Variants in DLC1 observed in about 807,000 individuals in gnomAD.
The protein encoded by DLC1 is rho GTPase-activating protein 7.
DLC1 carries 54 observed loss-of-function variants against 140.3 expected under a neutral mutation model. That is an observed-to-expected ratio of 0.38 (90% CI 0.31 to 0.48). The LOEUF is 0.48. Ranked by LOEUF, DLC1 falls within the 20% of genes least tolerant of loss-of-function variation. DLC1 has a pLI of 0.96. For missense variants in DLC1, 2,536 were observed against 1,907.0 expected (o/e 1.33, Z -6.14); for synonymous variants, 986 against 728.1 (o/e 1.35, Z -5.70).
intron 2 of DLC1, among the ~76,000 whole-genome samples, chr8:13,443,515 C>G (rs979966262): frequency 4.0e-4 from 61 of 151,548 alleles, no homozygotes; most frequent in African/African-American, 1.4e-3. Flanking sequence ...AAAAATTAGC[C>G]GGGCATGGTG....
At chr8:13,415,290 A>G (rs1397894618) in intron 2 of DLC1, among the ~76,000 whole-genome samples, 3 of 152,192 alleles carry the variant, frequency 2.0e-5, no homozygotes, top group Non-Finnish European at 2.9e-5. Flanking sequence ...ATTTAAAAAT[A>G]TTATTAGTCA....
At chr8:13,383,197 A>G (rs1377376367) in intron 4 of DLC1, among the ~76,000 whole-genome samples, 17 of 152,238 alleles carry the variant, frequency 1.1e-4, no homozygotes, top group Admixed American at 9.2e-4. Flanking sequence ...AGGAAGCGGT[A>G]TGAATGATTC....
At chr8:13,460,276 C>G (rs1368883616) in intron 2 of DLC1, among the ~76,000 whole-genome samples, 2 of 152,200 alleles carry the variant, frequency 1.3e-5, no homozygotes, top group African/African-American at 2.4e-5. Context: ...TATGTTTCTC[C>G]TCTGCATACA....
intron 5 of DLC1, among the ~76,000 whole-genome samples, chr8:13,194,837 C>T (rs1826957417): frequency 6.6e-6 from 1 of 152,058 alleles, no homozygotes; most frequent in African/African-American, 2.4e-5. Context: ...GAGAGACCCC[C>T]ATCTTTACAA....
intron 5 of DLC1, among the ~76,000 whole-genome samples, chr8:13,124,613 A>G (rs2128958060): frequency 6.6e-6 from 1 of 152,366 alleles, no homozygotes; most frequent in Middle Eastern, 3.4e-3. Flanking sequence ...TACTGTAACA[A>G]GTCAGGAAAA....
intron 2 of DLC1, among the ~76,000 whole-genome samples, chr8:13,440,551 G>A (rs1290853025): frequency 6.6e-6 from 1 of 150,468 alleles, no homozygotes; most frequent in Non-Finnish European, 1.5e-5. Context: ...TTTTTTCTGA[G>A]ATGAAACATC....
chr8:13,330,910 C>A (rs1004071848), intron 4 of DLC1, among the ~76,000 whole-genome samples: 5 of 152,110 alleles, frequency 3.3e-5, no homozygotes, highest in Non-Finnish European at 7.3e-5. Flanking sequence ...CCACCCTCTG[C>A]AAAATGTTTA....
intron 5 of DLC1, among the ~76,000 whole-genome samples, chr8:13,287,088 TGTG>T (rs201506015): frequency 0.03 from 4,621 of 152,240 alleles, 87 homozygotes; most frequent in Non-Finnish European, 0.044. Flanking sequence ...ATTTAAGAAA[TGTG>T]GTGGGAATCA....
At chr8:13,306,227 G>A (rs1832420063) in intron 4 of DLC1, among the ~76,000 whole-genome samples, 1 of 152,148 alleles carries the variant, frequency 6.6e-6, no homozygotes, top group Non-Finnish European at 1.5e-5. Flanking sequence ...TCAATCCCCA[G>A]CATTTATCAC....
At chr8:13,580,343 G>C (rs1424251072) in intron 1 of DLC1, among the ~76,000 whole-genome samples, 1 of 152,080 alleles carries the variant, frequency 6.6e-6, no homozygotes, top group African/African-American at 2.4e-5. Flanking sequence ...GGATGGCCTC[G>C]ATCGCCTGAC....
intron 4 of DLC1, among the ~76,000 whole-genome samples, chr8:13,383,037 A>C (rs971052598): frequency 1.3e-5 from 2 of 152,216 alleles, no homozygotes; most frequent in African/African-American, 2.4e-5. Context: ...GATAGTGAAA[A>C]ATTAAAAGAC....
At chr8:13,462,281 A>G (rs1482565625) in intron 2 of DLC1, among the ~76,000 whole-genome samples, 2 of 152,160 alleles carry the variant, frequency 1.3e-5, no homozygotes, top group East Asian at 1.9e-4. Context: ...GTCTAATAAC[A>G]TATGCCATAT....
rs147884099 is a variant in DLC1 at position 13,525,864 on chromosome 8, T to A, written c.-125-25668A>T. ...AAGTGTTTTTTTCTTTTATGGATCATGTTTCTGGTCTCATGGCAAAAAGAT... is the reference window on the plus strand; with the variant it reads ...AAGTGTTTTTTTCTTTTATGGATCAAGTTTCTGGTCTCATGGCAAAAAGAT... On this transcript the variant is annotated intron_variant, in intron 1 of 1. Coordinates refer to the DLC1 transcript ENST00000631382. Among the ~76,000 whole-genome samples, 531 of 152,300 alleles carry A rather than the reference T, an allele frequency of 3.5e-3. 3 individuals are homozygous for A. Among genetic ancestry groups the A allele is most frequent in the African/African-American group, 0.012 (517 of 41,568 alleles).
intron 2 of DLC1, among the ~76,000 whole-genome samples, chr8:13,483,625 C>G (rs2117129025): frequency 6.6e-6 from 1 of 151,966 alleles, no homozygotes; most frequent in Non-Finnish European, 1.5e-5. Context: ...TGAGAGGTAA[C>G]TGGAAAAAGT....
chr8:13,339,473 C>G (rs1292207663), intron 4 of DLC1: 1 of 152,176 alleles, frequency 6.6e-6, no homozygotes, highest in Admixed American at 6.5e-5. Flanking sequence ...AATCATCACA[C>G]CAGGCAACAG....
chr8:13,137,277 A>T (rs1822637350), intron 5 of DLC1, among the ~76,000 whole-genome samples: 1 of 152,182 alleles, frequency 6.6e-6, no homozygotes, highest in African/African-American at 2.4e-5. Context: ...ATACGTTAGA[A>T]GTTAATGTTA....
At chr8:13,190,931 C>T (rs1826716252) in intron 5 of DLC1, among the ~76,000 whole-genome samples, 1 of 151,588 alleles carries the variant, frequency 6.6e-6, no homozygotes, top group African/African-American at 2.4e-5. Flanking sequence ...ATTCATTGGC[C>T]TGAGGAAAAA....
chr8:13,138,316 A>C (rs907287201), intron 5 of DLC1, among the ~76,000 whole-genome samples: 1 of 152,210 alleles, frequency 6.6e-6, no homozygotes, highest in Non-Finnish European at 1.5e-5. Flanking sequence ...CAGAACCCCT[A>C]TAATTTTATA....
chr8:13,599,431 A>C (rs1225493690), intron 1 of DLC1, among the ~76,000 whole-genome samples: 1 of 152,024 alleles, frequency 6.6e-6, no homozygotes, highest in African/African-American at 2.4e-5. Context: ...AAAGGATGTT[A>C]GGATGAAGTG....
Sources: gnomAD v4.1 joint callset for allele counts (sites outside exome capture counted in the v4.1 genomes callset) on GRCh38, gnomAD v4.1.1 for gene constraint, MANE v1.5 for transcripts, NCBI Gene and HGNC (gene_info 2026-07-23, HGNC 2026-07-21) for gene names.